Variants in EPCAM observed in about 807,000 individuals in gnomAD.
The protein encoded by EPCAM is adenocarcinoma-associated antigen.
A neutral mutation model predicts 40.0 loss-of-function variants in EPCAM; 39 were observed. The ratio of observed to expected loss-of-function variants is 0.98; its 90% CI spans 0.76 to 1.27. The LOEUF is 1.27. Among genes scored for constraint, EPCAM ranks in the 50% most tolerant of loss-of-function variants. The pLI, the probability that EPCAM is intolerant of heterozygous loss-of-function variation, is 0.00. For synonymous variants in EPCAM, 168 were observed against 132.3 expected, an observed-to-expected ratio of 1.27 and a Z score of -1.85; for missense variants, 503 against 381.2, an observed-to-expected ratio of 1.32 and a Z score of -2.66.
At chr2:47,384,249 G>A (rs1190462855) in intron 7 of EPCAM, among the ~76,000 whole-genome samples, 7 of 151,458 alleles carry the variant, frequency 4.6e-5, no homozygotes, top group African/African-American at 9.7e-5. Context: ...GATTACAGGC[G>A]CCTGCCACCA....
chr2:47,374,663 A>T (rs1446489395), intron 3 of EPCAM, among the ~76,000 whole-genome samples: 1 of 147,392 alleles, frequency 6.8e-6, no homozygotes, highest in Non-Finnish European at 1.5e-5. Context: ...TTTTTTCGAG[A>T]TGGAATTTCC....
At chr2:47,385,327 C>G (rs2103768949) in intron 8 of EPCAM, 117 bp downstream of exon 8, 2 of 844,064 alleles carry the variant, frequency 2.4e-6, no homozygotes, top group East Asian at 2.5e-5. Context: ...ATACTGTTGT[C>G]TTTAGGGTCT....
At chr2:47,379,695 T>C in intron 6 of EPCAM, 74 bp from the exon 7 acceptor site, 1 of 1,524,766 alleles carries the variant, frequency 6.6e-7, no homozygotes, top group Non-Finnish European at 9.0e-7. Context: ...TGGCATACAA[T>C]TTGTATGTAA....
chr2:47,378,776 C>A (rs181487016), intron 5 of EPCAM, among the ~76,000 whole-genome samples, 177 bp from the exon 6 acceptor site: 4 of 152,170 alleles, frequency 2.6e-5, no homozygotes, highest in Admixed American at 6.5e-5. Context: ...GATTTAGAGA[C>A]CTCCCAAAGA....
intron 7 of EPCAM, chr2:47,383,552 C>T (rs1359290369): frequency 1.4e-5 from 2 of 147,296 alleles, no homozygotes; most frequent in East Asian, 4.1e-4. Context: ...ATCCGCCTGC[C>T]TCGGCCTCTC....
chr2:47,381,858 C>T (rs1331253233), intron 7 of EPCAM, among the ~76,000 whole-genome samples: 3 of 152,118 alleles, frequency 2.0e-5, no homozygotes, highest in African/African-American at 7.2e-5. Context: ...CCTCCAATTC[C>T]TGGACTTAAG....
Position 47,373,532 on chromosome 2 carries a change from C to T in EPCAM, c.146C>T (p.Thr49Ile), listed in dbSNP as rs545571152. The T allele has an allele frequency of 1.9e-6, 3 of 1,613,558 alleles. No individual in the cohort carries two copies. Among genetic ancestry groups the T allele is most frequent in the Non-Finnish European group, 2.5e-6 (3 of 1,179,624 alleles). The change falls in exon 2 of 9, where the codon ACT (threonine) becomes ATT (isoleucine). Residue 49 changes from threonine (T) to isoleucine (I), a missense_variant. Thr to Ile is a moderately conservative substitution (Grantham distance 89). Coordinates refer to ENST00000263735, the MANE Select transcript of EPCAM (RefSeq NM_002354.3). ...AATAATAATCGTCAATGCCAGTGTA[C>T]TTCAGTTGGTGCACAAAATACTGTC... ...FVNNNRQCQC[T>I]SVGAQNTVIC...
intron 7 of EPCAM, among the ~76,000 whole-genome samples, chr2:47,381,395 A>C: frequency 6.8e-6 from 1 of 147,112 alleles, no homozygotes; most frequent in Non-Finnish European, 1.5e-5. Context: ...TCCGTCTCAA[A>C]AAAAAAAAAA....
Position 47,373,819 on chromosome 2 carries a change from T to C in EPCAM, c.196T>C (p.Cys66Arg), listed in dbSNP as rs2103746967. 1 of 1,614,094 alleles carries C rather than the reference T, an allele frequency of 6.2e-7. No homozygotes were observed. The highest frequency in any genetic ancestry group is 8.5e-7 in the Non-Finnish European group (1 of 1,180,036). ...GGTTTCTTTTTCAGTGGCTGCCAAA[T>C]GTTTGGTGATGAAGGCAGAAATGAA... ...TVICSKLAAK[C>R]LVMKAEMNGS... Residue 66 changes from cysteine (C) to arginine (R), a missense_variant, in exon 3 of 9, where the codon TGT (cysteine) becomes CGT (arginine). Coordinates refer to ENST00000263735, the MANE Select transcript of EPCAM (RefSeq NM_002354.3).
At chr2:47,378,345 A>C (rs1426541006) in intron 5 of EPCAM, among the ~76,000 whole-genome samples, 1 of 127,966 alleles carries the variant, frequency 7.8e-6, no homozygotes, top group African/African-American at 3.0e-5. Context: ...CTTGTTGCCC[A>C]GGCTGGAGTG....
In EPCAM at chr2:47,373,883, C is replaced by T. The variant is rs537866903; in HGVS notation, c.260C>T (p.Ala87Val). The change falls in exon 3 of 9, where the codon GCC (alanine) becomes GTC (valine). Residue 87 changes from alanine (A) to valine (V), a missense_variant. Transcript: ENST00000263735. Reference protein sequence around the residue: ...KLGRRAKPEGALQNNDGLYDP... With the variant: ...KLGRRAKPEGVLQNNDGLYDP... ...GGGAGAAGAGCAAAACCTGAAGGGG[C>T]CCTCCAGAACAATGATGGGCTTTAT... The T allele has an allele frequency of 3.7e-5, 60 of 1,613,980 alleles. No individual in the cohort carries two copies. The South Asian group carries it at 5.8e-4, about 16-fold the overall frequency.
intron 8 of EPCAM, 47 bp downstream of exon 8, chr2:47,385,257 A>T (rs2103768763): frequency 1.4e-5 from 19 of 1,402,558 alleles, no homozygotes; most frequent in Non-Finnish European, 1.9e-5. Context: ...TGAATCTCTT[A>T]CTCCTAATCA....
At chr2:47,377,235 T>G (rs948107955) in intron 5 of EPCAM, among the ~76,000 whole-genome samples, 158 bp downstream of exon 5, 1 of 152,098 alleles carries the variant, frequency 6.6e-6, no homozygotes, top group Non-Finnish European at 1.5e-5. Flanking sequence ...TACTGTTTTT[T>G]TTTGTTTGTT....
chr2:47,384,628 G>A (rs546022974), intron 7 of EPCAM, among the ~76,000 whole-genome samples: 1 of 152,044 alleles, frequency 6.6e-6, no homozygotes, highest in African/African-American at 2.4e-5. Flanking sequence ...ATGTTGGCCA[G>A]GCTGGTCTTG....
intron 1 of EPCAM, among the ~76,000 whole-genome samples, chr2:47,371,292 C>T (rs998949579): frequency 1.3e-5 from 2 of 152,082 alleles, no homozygotes; most frequent in Admixed American, 6.6e-5. Context: ...ACAGTGTCTC[C>T]GTCTGTCGTT....
In EPCAM at chr2:47,386,823, C is replaced by T; in HGVS notation, c.*210C>T. ...TTTGACCACAAGTGTCTTATATATG[C>T]AGATCTAATGTAAAATCCAGAACTT... On this transcript the variant is annotated 3_prime_UTR_variant, in exon 9 of 9. Coordinates refer to ENST00000263735, the MANE Select transcript of EPCAM (RefSeq NM_002354.3). 2 of 424,456 alleles carry T rather than the reference C, an allele frequency of 4.7e-6. No individual in the cohort carries two copies. The highest frequency in any genetic ancestry group is 1.2e-4 in the South Asian group (2 of 17,342). The allele number at this position is 424,456 out of a possible 1,614,324, so 26.3% of individuals were successfully genotyped here. A position where few individuals can be genotyped will look rare whatever the true frequency, so the allele number is the denominator to read the frequency against.
chr2:47,376,423 AT>A (rs1021674064), intron 4 of EPCAM, among the ~76,000 whole-genome samples: 1 of 151,104 alleles, frequency 6.6e-6, no homozygotes, highest in African/African-American at 2.4e-5. Context: ...TGCCTGGCTA[AT>A]TTTTTTTGTA....
chr2:47,373,708 T>C (rs533102668), intron 2 of EPCAM, 100 bp from the exon 3 acceptor site: 2 of 1,545,718 alleles, frequency 1.3e-6, no homozygotes, highest in Non-Finnish European at 8.9e-7. Flanking sequence ...CACATAAATT[T>C]CAAATAATCT....
rs777057814 is a variant in EPCAM at position 47,373,205 on chromosome 2, TAAAAAAAAAAAAAAAA to T, written c.77-243_77-228del. On this transcript the variant is annotated intron_variant, in intron 1 of 8. Transcript: ENST00000263735. The stretch of plus-strand genomic sequence containing the variant: ...GGGCCACAGAGTGAGACCCTATCTT[TAAAAAAAAAAAAAAAA>T]AAAAAAAAAAAAAACAGGAATGCAT... Among the ~76,000 whole-genome samples, 107 of 65,062 alleles carry T rather than the reference TAAAAAAAAAAAAAAAA, an allele frequency of 1.6e-3. 1 individual carries two copies. The highest frequency in any genetic ancestry group is 5.1e-3 in the African/African-American group (101 of 19,676). The allele number at this position is 65,062 out of a possible 152,430, so 42.7% of individuals were successfully genotyped here. A position where few individuals can be genotyped will look rare whatever the true frequency, so the allele number is the denominator to read the frequency against.
Sources: gnomAD v4.1 joint callset for allele counts (sites outside exome capture counted in the v4.1 genomes callset) on GRCh38, gnomAD v4.1.1 for gene constraint, MANE v1.5 for transcripts, NCBI Gene and HGNC (gene_info 2026-07-23, HGNC 2026-07-21) for gene names.